TAOK3: variants seen among roughly 807,000 people sequenced by gnomAD.
TAOK3 encodes the protein TAO kinase 3.
TAOK3 carries 40 observed loss-of-function variants against 120.4 expected under a neutral mutation model. The observed-to-expected ratio is 0.33, with a 90% CI of 0.26 to 0.43. TAOK3 has a LOEUF of 0.43. TAOK3 is among the 20% of genes least tolerant of loss of function. The pLI, the probability that TAOK3 is intolerant of heterozygous loss-of-function variation, is 1.00. For missense variants in TAOK3, 821 were observed against 1,112.1 expected, an observed-to-expected ratio of 0.74 and a Z score of 3.72; for synonymous variants, 355 against 387.5, an observed-to-expected ratio of 0.92 and a Z score of 0.99.
chr12:118,204,072 C>G (rs1388495031), intron 11 of TAOK3, among the ~76,000 whole-genome samples: 2 of 151,918 alleles, frequency 1.3e-5, no homozygotes, highest in East Asian at 3.9e-4. Context: ...TTGAGACTAG[C>G]CTGGCCAACA....
At chr12:118,176,934 T>TTTTTGTA (rs922819513) in intron 16 of TAOK3, among the ~76,000 whole-genome samples, 1 of 152,000 alleles carries the variant, frequency 6.6e-6, no homozygotes, top group Non-Finnish European at 1.5e-5. Context: ...GCCCAGCTAA[T>TTTTTGTA]TTTTGTATTT....
At chr12:118,164,050 C>T (rs892485682) in intron 17 of TAOK3, among the ~76,000 whole-genome samples, 2 of 150,354 alleles carry the variant, frequency 1.3e-5, no homozygotes, top group African/African-American at 2.4e-5. Flanking sequence ...GAGCCTGGGG[C>T]GGTGGCTCAC....
intron 3 of TAOK3, among the ~76,000 whole-genome samples, chr12:118,253,877 G>C (rs756530836): frequency 3.4e-4 from 52 of 151,946 alleles, no homozygotes; most frequent in Non-Finnish European, 1.3e-4. Context: ...GGTGAAACCC[G>C]GTCTCTACTA....
At chr12:118,298,003 C>T (rs1593453875) in intron 1 of TAOK3, among the ~76,000 whole-genome samples, 2 of 152,270 alleles carry the variant, frequency 1.3e-5, no homozygotes, top group East Asian at 3.9e-4. Context: ...TGGTCTCAAA[C>T]TCTTGACTTC....
intron 1 of TAOK3, among the ~76,000 whole-genome samples, chr12:118,368,909 AG>A (rs1410023802): frequency 2.0e-5 from 3 of 151,176 alleles, no homozygotes; most frequent in African/African-American, 7.3e-5. Context: ...CTGTAATCCC[AG>A]CACTTTGGCA....
At chr12:118,238,023 AATAG>A (rs1291042680) in intron 7 of TAOK3, 46 bp downstream of exon 7, 3 of 1,280,688 alleles carry the variant, frequency 2.3e-6, no homozygotes, top group Non-Finnish European at 3.3e-6. Context: ...AGGTTCCTGG[AATAG>A]ACAGTCCTGC....
At chr12:118,361,567 C>T (rs1042773558) in intron 1 of TAOK3, among the ~76,000 whole-genome samples, 1 of 144,140 alleles carries the variant, frequency 6.9e-6, no homozygotes, top group African/African-American at 2.9e-5. Context: ...AAGCGATTCT[C>T]ATGCCTCAGC....
chr12:118,190,147 G>A (rs1440025688), intron 13 of TAOK3: 2 of 556,982 alleles, frequency 3.6e-6, no homozygotes, highest in East Asian at 5.8e-5. Flanking sequence ...TCGCTAGTGG[G>A]ATGCCTTCTG....
intron 1 of TAOK3, among the ~76,000 whole-genome samples, chr12:118,299,387 T>C (rs9943792): frequency 0.014 from 2,191 of 152,288 alleles, 49 homozygotes; most frequent in African/African-American, 0.049. Flanking sequence ...CAATAAATTA[T>C]ACCCTTTGAA....
intron 1 of TAOK3, among the ~76,000 whole-genome samples, chr12:118,348,346 T>G (rs1007059908): frequency 6.6e-6 from 1 of 152,242 alleles, no homozygotes; most frequent in Non-Finnish European, 1.5e-5. Context: ...GTGCCTTCAA[T>G]GGAGGAGGCA....
At chr12:118,357,773 C>T (rs932477289) in intron 1 of TAOK3, among the ~76,000 whole-genome samples, 1 of 152,114 alleles carries the variant, frequency 6.6e-6, no homozygotes, top group Non-Finnish European at 1.5e-5. Flanking sequence ...AAAGGCCTCT[C>T]AATGAAAGCT....
At chr12:118,304,027 C>G (rs893563832) in intron 1 of TAOK3, among the ~76,000 whole-genome samples, 1 of 152,204 alleles carries the variant, frequency 6.6e-6, no homozygotes, top group African/African-American at 2.4e-5. Flanking sequence ...TTTTGCCTCC[C>G]TCATGCCAAC....
chr12:118,319,807 T>A (rs2043626996), intron 1 of TAOK3, among the ~76,000 whole-genome samples: 1 of 152,108 alleles, frequency 6.6e-6, no homozygotes, highest in Admixed American at 6.6e-5. Flanking sequence ...CAAAAAGTTA[T>A]ACATAGAATT....
At chr12:118,220,589 A>G (rs1233113335) in intron 9 of TAOK3, among the ~76,000 whole-genome samples, 1 of 152,094 alleles carries the variant, frequency 6.6e-6, no homozygotes, top group African/African-American at 2.4e-5. Flanking sequence ...CATAGGAGAA[A>G]CAGTGAAACA....
intron 16 of TAOK3, among the ~76,000 whole-genome samples, chr12:118,174,972 T>C (rs977484515): frequency 6.6e-6 from 1 of 152,098 alleles, no homozygotes; most frequent in East Asian, 1.9e-4. Context: ...AAGGAAGGTA[T>C]TTAGAGTGGA....
intron 9 of TAOK3, among the ~76,000 whole-genome samples, chr12:118,232,388 G>A (rs1762229436): frequency 6.6e-6 from 1 of 152,136 alleles, no homozygotes; most frequent in Admixed American, 6.6e-5. Context: ...CTCTACATGG[G>A]TCAAATACAG....
chr12:118,275,404 G>C (rs2041869539), intron 1 of TAOK3, among the ~76,000 whole-genome samples: 1 of 152,140 alleles, frequency 6.6e-6, no homozygotes, highest in Non-Finnish European at 1.5e-5. Flanking sequence ...AAAGTGCTGG[G>C]ATTACAGGCA....
intron 1 of TAOK3, among the ~76,000 whole-genome samples, chr12:118,312,090 A>G (rs2043285343): frequency 6.6e-6 from 1 of 152,204 alleles, no homozygotes; most frequent in Admixed American, 6.5e-5. Flanking sequence ...GATTTGAAAG[A>G]TAATATATTC....
At position 118,361,521 on chromosome 12, in the gene TAOK3, G is replaced by A. The variant is rs182564290; in HGVS notation, c.-194+11127C>T. On this transcript the variant is annotated intron_variant, in intron 1 of 20. Coordinates refer to ENST00000392533, the MANE Select transcript of TAOK3 (RefSeq NM_016281.4). ...CACCCAGGCTGGAGTGCAGTGGCACGATCTTGGATCACTGCAACCTCCGCC... is the reference window on the plus strand; with the variant it reads ...CACCCAGGCTGGAGTGCAGTGGCACAATCTTGGATCACTGCAACCTCCGCC... 6.0e-5 allele frequency among the ~76,000 whole-genome samples: 9 copies of A among 150,992 alleles called. No individual in the cohort carries two copies. In the South Asian group the frequency reaches 6.3e-4, roughly 11 times the overall value.
Sources: gnomAD v4.1 joint callset for allele counts (sites outside exome capture counted in the v4.1 genomes callset) on GRCh38, gnomAD v4.1.1 for gene constraint, MANE v1.5 for transcripts, NCBI Gene and HGNC (gene_info 2026-07-23, HGNC 2026-07-21) for gene names.